Variants in C14orf132 observed in about 807,000 individuals in gnomAD.
The protein encoded by C14orf132 is uncharacterized protein C14orf132.
In C14orf132, 6 loss-of-function variants were observed where a neutral mutation model predicts 5.8. The ratio of observed to expected loss-of-function variants is 1.03; its 90% confidence interval spans 0.57 to 2.04. The LOEUF (loss-of-function observed/expected upper bound fraction) is 2.04. Among genes scored for constraint, C14orf132 ranks in the 30% most tolerant of loss-of-function variants. The pLI, the probability that C14orf132 is intolerant of heterozygous loss-of-function variation, is 0.00. For missense variants in C14orf132, 125 were observed against 115.8 expected, an observed-to-expected ratio of 1.08 and a Z score of -0.37; for synonymous variants, 51 against 49.8, an observed-to-expected ratio of 1.02 and a Z score of -0.10.
chr14:96,090,430 T>C lies in C14orf132; in HGVS notation c.*3695T>C. The C allele has an allele frequency of 3.5e-6, 1 of 284,916 alleles. No individual in the cohort carries two copies. The highest frequency in any genetic ancestry group is 4.7e-5 in the Admixed American group (1 of 21,104). 17.6% of individuals were successfully genotyped at this position (284,916 alleles called of 1,614,324 possible). On this transcript the variant is annotated 3_prime_UTR_variant, in exon 2 of 2. Coordinates refer to ENST00000555004, the MANE Select transcript of C14orf132 (RefSeq NM_001252507.3). ...AGAAAAGAAAAAAAAAAAGAGCAAC[T>C]TACTGCTTTGTGAGGTTGTGAGTGG...
rs753366843 is a variant in C14orf132 at position 96,091,075 on chromosome 14, G to A, written c.*4340G>A. 15 of 450,480 alleles carry A rather than the reference G, an allele frequency of 3.3e-5. No homozygotes were observed. The highest frequency in any genetic ancestry group is 1.9e-4 in the Admixed American group (8 of 42,182). The allele number at this position is 450,480 out of a possible 1,614,324, so 27.9% of individuals were successfully genotyped here. A position where few individuals can be genotyped will look rare whatever the true frequency, so the allele number is the denominator to read the frequency against. On this transcript the variant is annotated 3_prime_UTR_variant, in exon 2 of 2. Transcript: ENST00000555004. ...AGAGAGATGCACGTTAATTACTGTCGCATTTTTCTGTGGAGAAAACTGAGG... is the reference window on the plus strand; with the variant it reads ...AGAGAGATGCACGTTAATTACTGTCACATTTTTCTGTGGAGAAAACTGAGG...
Position 96,086,632 on chromosome 14 carries a change from A to C in C14orf132, c.149A>C (p.Asp50Ala). Residue 50 changes from aspartate (D) to alanine (A), a missense_variant, in exon 2 of 2, where the codon GAT (aspartate) becomes GCT (alanine). Transcript: ENST00000555004. ...GCCAATGGCCAGGGCCAGCCGGAAG[A>C]TCCTCCTCGGTCCTCCAACGACGCC... The part of the protein sequence containing the change: ...AAANGQGQPE[D>A]PPRSSNDAVL... 1 of 1,536,120 alleles carries C rather than the reference A, an allele frequency of 6.5e-7. No homozygotes were observed. Among genetic ancestry groups the C allele is most frequent in the Non-Finnish European group, 8.7e-7 (1 of 1,146,914 alleles).
chr14:96,044,469 T>C (rs1886781629), intron 1 of C14orf132, among the ~76,000 whole-genome samples: 1 of 152,258 alleles, frequency 6.6e-6, no homozygotes, highest in Non-Finnish European at 1.5e-5. Context: ...CATGAGCCAT[T>C]GTACCCAGCT....
At chr14:96,040,036 G>C (rs1248843831) in intron 1 of C14orf132, among the ~76,000 whole-genome samples, 1 of 151,800 alleles carries the variant, frequency 6.6e-6, no homozygotes, top group Non-Finnish European at 1.5e-5. Context: ...TTGTGACCGT[G>C]ACCCGCCAAG....
chr14:96,082,535 A>G (rs1391418078), intron 1 of C14orf132, among the ~76,000 whole-genome samples: 1 of 152,186 alleles, frequency 6.6e-6, no homozygotes, highest in East Asian at 1.9e-4. Context: ...AATAAAACCA[A>G]CAAACCTGAG....
At chr14:96,086,453 G>C (rs1284782500) in intron 1 of C14orf132, 58 bp from the exon 2 acceptor site, 1 of 1,475,448 alleles carries the variant, frequency 6.8e-7, no homozygotes, top group Non-Finnish European at 9.1e-7. Context: ...CCCTTTTGCA[G>C]GGTACATCTG....
chr14:96,060,565 C>T (rs988051216), intron 1 of C14orf132, among the ~76,000 whole-genome samples: 19 of 152,196 alleles, frequency 1.2e-4, no homozygotes, highest in Admixed American at 2.0e-4. Flanking sequence ...CATCTGGGGA[C>T]TCAGGGCTCA....
chr14:96,060,055 T>G (rs1411145795), intron 1 of C14orf132, among the ~76,000 whole-genome samples: 3 of 152,200 alleles, frequency 2.0e-5, no homozygotes, highest in African/African-American at 7.2e-5. Flanking sequence ...AGTGCTGGAT[T>G]CAGAATCCCC....
intron 1 of C14orf132, among the ~76,000 whole-genome samples, chr14:96,064,393 CAT>C (rs1555385090): frequency 1.5e-4 from 22 of 146,402 alleles, no homozygotes; most frequent in African/African-American, 4.2e-4. Context: ...CACACACACA[CAT>C]ATACATATAT....
intron 1 of C14orf132, among the ~76,000 whole-genome samples, chr14:96,080,622 A>G (rs1269805835): frequency 3.3e-5 from 5 of 152,210 alleles, no homozygotes; most frequent in African/African-American, 9.6e-5. Flanking sequence ...GGAGATTTAT[A>G]TAACGGTCAC....
At chr14:96,074,604 C>T (rs1293806341) in intron 1 of C14orf132, among the ~76,000 whole-genome samples, 2 of 151,052 alleles carry the variant, frequency 1.3e-5, no homozygotes, top group East Asian at 3.9e-4. Flanking sequence ...GATTGGGTTC[C>T]AAGTTCACAT....
chr14:96,042,373 T>C (rs7147739), intron 1 of C14orf132, among the ~76,000 whole-genome samples: 1,890 of 152,286 alleles, frequency 0.012, 26 homozygotes, highest in Admixed American at 0.038. Context: ...AGCAGGAGAA[T>C]GGCATATAGT....
intron 1 of C14orf132, among the ~76,000 whole-genome samples, chr14:96,047,461 A>G (rs537349595): frequency 6.6e-6 from 1 of 152,172 alleles, no homozygotes; most frequent in South Asian, 2.1e-4. Context: ...GGTGATGGAG[A>G]CCCATCTGTG....
intron 1 of C14orf132, 85 bp from the exon 2 acceptor site, chr14:96,086,426 G>A: frequency 7.9e-7 from 1 of 1,264,044 alleles, no homozygotes; most frequent in Non-Finnish European, 1.1e-6. Flanking sequence ...ATGTGGGGTT[G>A]TTTGACCAGA....
At chr14:96,071,500 C>G (rs1166170174) in intron 1 of C14orf132, among the ~76,000 whole-genome samples, 2 of 152,210 alleles carry the variant, frequency 1.3e-5, no homozygotes, top group Non-Finnish European at 2.9e-5. Flanking sequence ...CTCCACTTTC[C>G]CTGGATTTGG....
At chr14:96,077,662 G>C (rs1566834314) in intron 1 of C14orf132, among the ~76,000 whole-genome samples, 1 of 152,142 alleles carries the variant, frequency 6.6e-6, no homozygotes, top group Non-Finnish European at 1.5e-5. Flanking sequence ...ACCCAGTCTG[G>C]GGTACTTTGT....
At chr14:96,072,196 C>T (rs1041699587) in intron 1 of C14orf132, among the ~76,000 whole-genome samples, 4 of 152,216 alleles carry the variant, frequency 2.6e-5, no homozygotes, top group East Asian at 1.9e-4. Context: ...GCAGGCCTGT[C>T]GAAACACCAC....
chr14:96,082,652 G>A (rs1888061384), intron 1 of C14orf132, among the ~76,000 whole-genome samples: 1 of 152,216 alleles, frequency 6.6e-6, no homozygotes, highest in Non-Finnish European at 1.5e-5. Context: ...AACTGAAAAT[G>A]AGTACCTGGT....
At position 96,054,592 on chromosome 14, in the gene C14orf132, T is replaced by C. The variant is rs139273315; in HGVS notation, c.27+15065T>C. On this transcript the variant is annotated intron_variant, in intron 1 of 1. Transcript: ENST00000555004. Reference sequence around the variant, plus strand: ...TGGGTGGGAGAATCAAATGAGATGGTGAATGAGAAAGAACAAACTGTGCAG... The same window carrying C: ...TGGGTGGGAGAATCAAATGAGATGGCGAATGAGAAAGAACAAACTGTGCAG... Among the ~76,000 whole-genome samples the C allele has an allele frequency of 4.5e-3, 689 of 152,270 alleles. 5 individuals are homozygous for C. The highest frequency in any genetic ancestry group is 0.01 in the Middle Eastern group (3 of 294).
Sources: gnomAD v4.1 joint callset for allele counts (sites outside exome capture counted in the v4.1 genomes callset) on GRCh38, gnomAD v4.1.1 for gene constraint, MANE v1.5 for transcripts, NCBI Gene and HGNC (gene_info 2026-07-23, HGNC 2026-07-21) for gene names.